PKHD1: variants seen among roughly 807,000 people sequenced by gnomAD.
PKHD1 encodes the protein PKHD1 ciliary IPT domain containing fibrocystin/polyductin.
A neutral mutation model predicts 412.0 loss-of-function variants in PKHD1; 291 were observed. The ratio of observed to expected loss-of-function variants is 0.71; its 90% confidence interval spans 0.64 to 0.78. PKHD1 has a LOEUF of 0.78. Ranked by LOEUF, PKHD1 falls within the 30% of genes least tolerant of loss-of-function variation. The probability of loss-of-function intolerance (pLI) is 0.00; values close to 1 mark genes in which losing one functional copy is unlikely to be tolerated. For missense variants in PKHD1, 4,825 were observed against 4,950.7 expected (o/e 0.97, Z 0.76); for synonymous variants, 1,777 against 1,821.5 (o/e 0.98, Z 0.62).
intron 37 of PKHD1, among the ~76,000 whole-genome samples, chr6:51,923,082 C>T (rs1268229035): frequency 1.3e-5 from 2 of 152,236 alleles, no homozygotes; most frequent in East Asian, 3.9e-4. Flanking sequence ...GAACCCAACC[C>T]CGTTTTGCCA....
chr6:51,896,066 T>G (rs1033022379), intron 43 of PKHD1, among the ~76,000 whole-genome samples: 1 of 152,132 alleles, frequency 6.6e-6, no homozygotes, highest in Non-Finnish European at 1.5e-5. Flanking sequence ...GAGATCAAAC[T>G]GCAAGTCGGT....
Position 51,659,969 on chromosome 6 carries a change from C to T in PKHD1, c.10157G>A (p.Gly3386Asp), listed in dbSNP as rs1772565559. Residue 3386 changes from glycine (G) to aspartate (D), a missense_variant and splice_region_variant, in exon 61 of 67, where the codon GGT becomes GAT. Physicochemically the swap from Gly to Asp is moderately conservative, Grantham distance 94. Transcript: ENST00000371117. ...AEWTASFFNA[G>D]TFREEQKCTY... Reference sequence around the variant, plus strand: ...ACATTTCTGTTCTTCTCTAAATGTACCTATAAAAGAAAAGAAGCAAAACAA... The same window carrying T: ...ACATTTCTGTTCTTCTCTAAATGTATCTATAAAAGAAAAGAAGCAAAACAA... 6.3e-7 allele frequency: 1 copy of T among 1,585,532 alleles called. No individual in the cohort carries two copies.
intron 52 of PKHD1, among the ~76,000 whole-genome samples, chr6:51,814,024 G>T (rs1188778424): frequency 1.3e-5 from 2 of 152,098 alleles, no homozygotes; most frequent in African/African-American, 4.8e-5. Flanking sequence ...TATAAAAGCT[G>T]TGATTTCCAT....
At chr6:52,072,642 A>G (rs1400970860) in intron 7 of PKHD1, among the ~76,000 whole-genome samples, 2 of 152,180 alleles carry the variant, frequency 1.3e-5, no homozygotes, top group Non-Finnish European at 2.9e-5. Context: ...TTAATGCCAG[A>G]AATGTCAATC....
chr6:52,071,190 C>A, intron 8 of PKHD1, 120 bp from the exon 9 acceptor site: 1 of 750,298 alleles, frequency 1.3e-6, no homozygotes, highest in Non-Finnish European at 2.5e-6. Context: ...AAATGGTAGA[C>A]AGAGAAAGTA....
intron 35 of PKHD1, among the ~76,000 whole-genome samples, chr6:51,981,316 CCT>C (rs1795147895): frequency 9.1e-5 from 1 of 10,934 alleles, no homozygotes; most frequent in African/African-American, 2.5e-4. Flanking sequence ...TCAAGCTCTC[CCT>C]CTCCCTCTCC....
intron 60 of PKHD1, among the ~76,000 whole-genome samples, chr6:51,676,710 GA>G (rs1235815896): frequency 1.3e-5 from 2 of 152,170 alleles, no homozygotes. Context: ...CTCAGGCTAT[GA>G]GGAGTGAAAC....
intron 65 of PKHD1, among the ~76,000 whole-genome samples, chr6:51,628,110 T>C (rs1307708217): frequency 6.6e-6 from 1 of 152,180 alleles, no homozygotes; most frequent in Non-Finnish European, 1.5e-5. Context: ...AGGGGGTACA[T>C]GTACAGGTTT....
chr6:51,953,378 C>T (rs1320956542), intron 36 of PKHD1, among the ~76,000 whole-genome samples: 1 of 152,006 alleles, frequency 6.6e-6, no homozygotes, highest in Non-Finnish European at 1.5e-5. Flanking sequence ...TAACTGGTAG[C>T]TATGAAGTCT....
chr6:51,720,287 T>C (rs1415187238), intron 60 of PKHD1, among the ~76,000 whole-genome samples: 9 of 152,168 alleles, frequency 5.9e-5, no homozygotes, highest in Admixed American at 5.9e-4. Flanking sequence ...GTAAGTTATA[T>C]CAGTCTCCTC....
chr6:52,083,485 C>G (rs1418483414), intron 2 of PKHD1, among the ~76,000 whole-genome samples: 2 of 152,168 alleles, frequency 1.3e-5, no homozygotes, highest in South Asian at 2.1e-4. Context: ...TCATCAGAAG[C>G]CCCATTTTAA....
chr6:51,852,733 T>G (rs918592451), intron 49 of PKHD1, among the ~76,000 whole-genome samples: 4 of 68,844 alleles, frequency 5.8e-5, no homozygotes, highest in Admixed American at 2.6e-4. Context: ...GCAAACCCTG[T>G]TTTTTTTTTT....
intron 43 of PKHD1, among the ~76,000 whole-genome samples, chr6:51,897,957 G>A (rs1638530523): frequency 6.6e-6 from 1 of 152,096 alleles, no homozygotes; most frequent in South Asian, 2.1e-4. Flanking sequence ...TCAACAAGAA[G>A]AGTTAACTAT....
intron 53 of PKHD1, among the ~76,000 whole-genome samples, chr6:51,787,984 A>G (rs1055609716): frequency 6.6e-6 from 1 of 152,220 alleles, no homozygotes; most frequent in Non-Finnish European, 1.5e-5. Flanking sequence ...TAGTAAACAA[A>G]TGGGCAAATG....
chr6:51,938,124 G>T (rs1349832649), intron 36 of PKHD1, among the ~76,000 whole-genome samples: 1 of 21,088 alleles, frequency 4.7e-5, no homozygotes, highest in African/African-American at 3.6e-4. Flanking sequence ...ATTATAAGAG[G>T]TGCCAAAATT....
intron 64 of PKHD1, among the ~76,000 whole-genome samples, chr6:51,634,826 A>G (rs1768331765): frequency 6.6e-6 from 1 of 152,216 alleles, no homozygotes; most frequent in Admixed American, 6.5e-5. Context: ...TGCTAGAAGA[A>G]TTTGAGACAA....
At chr6:52,077,006 A>T (rs17577099) in intron 5 of PKHD1, among the ~76,000 whole-genome samples, 8,060 of 152,266 alleles carry the variant, frequency 0.053, 292 homozygotes, top group East Asian at 0.11. Context: ...GCCTGGCGGT[A>T]GCATTCCAAA....
At position 51,754,761 on chromosome 6, in the gene PKHD1, T is replaced by C. The variant is rs1258196155; in HGVS notation, c.8797+23A>G. The C allele has an allele frequency of 2.5e-6, 4 of 1,610,428 alleles. No individual in the cohort carries two copies. In the African/African-American group the frequency reaches 4.0e-5, roughly 16 times the overall value. ...GTCTTCCTAGCTCATTCACTTACCT[T>C]AACCAACAAACCAAAGCCTTACCAA... On this transcript the variant is annotated intron_variant, in intron 56 of 66. Coordinates refer to ENST00000371117, the MANE Select transcript of PKHD1 (RefSeq NM_138694.4).
chr6:51,956,570 CTA>C, intron 36 of PKHD1, among the ~76,000 whole-genome samples: 1 of 152,030 alleles, frequency 6.6e-6, no homozygotes, highest in Admixed American at 6.6e-5. Flanking sequence ...TGAGCTTATT[CTA>C]GTAGAGGAGA....
Sources: gnomAD v4.1 joint callset for allele counts (sites outside exome capture counted in the v4.1 genomes callset) on GRCh38, gnomAD v4.1.1 for gene constraint, MANE v1.5 for transcripts, NCBI Gene and HGNC (gene_info 2026-07-23, HGNC 2026-07-21) for gene names.